MISFA: variants seen among roughly 807,000 people sequenced by gnomAD.
The protein encoded by MISFA is mitochondrial sheath formation associated, also known as mitochondrial sheath formation-associated protein.
the MISFA span, among the ~76,000 whole-genome samples, chr11:18,603,600 TG>T: frequency 6.6e-6 from 1 of 152,248 alleles, no homozygotes; most frequent in African/African-American, 2.4e-5. Context: ...CTCTGCCTCT[TG>T]TCAGCTCCCC....
At chr11:18,600,290 G>A in the MISFA span, among the ~76,000 whole-genome samples, 1 of 151,750 alleles carries the variant, frequency 6.6e-6, no homozygotes, top group Non-Finnish European at 1.5e-5. Flanking sequence ...TGCAACCTCC[G>A]CCTCTCAGGC....
the MISFA span, chr11:18,606,931 G>GCTGA: frequency 7.9e-5 from 24 of 303,032 alleles, no homozygotes; most frequent in African/African-American, 3.7e-4. Flanking sequence ...TGCTATCTTG[G>GCTGA]CTGACTGCAA....
the MISFA span, chr11:18,600,097 C>T: frequency 1.1e-4 from 42 of 398,344 alleles, no homozygotes; most frequent in African/African-American, 6.8e-4. Context: ...TAGTTGAGGT[C>T]TCACCACTAA....
At chr11:18,607,743 T>C in the MISFA span, 1 of 152,224 alleles carries the variant, frequency 6.6e-6, no homozygotes, top group African/African-American at 2.4e-5. Flanking sequence ...AGAAGTGCTC[T>C]TTTATAATGT....
At chr11:18,607,282 T>A in the MISFA span, 1 of 152,846 alleles carries the variant, frequency 6.5e-6, no homozygotes, top group African/African-American at 2.4e-5. Flanking sequence ...TTAGCGAAAA[T>A]ACAAAGTTCT....
At chr11:18,609,513 A>G in the MISFA span, 1 of 226,278 alleles carries the variant, frequency 4.4e-6, no homozygotes, top group African/African-American at 2.3e-5. Flanking sequence ...ATCAAGAGAC[A>G]ACCTTTTTTT....
At chr11:18,606,321 T>C in the MISFA span, 19 of 173,518 alleles carry the variant, frequency 1.1e-4, no homozygotes, top group Admixed American at 7.8e-4. Context: ...TATACCGAGG[T>C]TTCTAGCTGG....
chr11:18,601,344 G>C, the MISFA span: 1 of 397,568 alleles, frequency 2.5e-6, no homozygotes, highest in African/African-American at 2.1e-5. Context: ...GGCCAAAGTT[G>C]TCTATTAATA....
chr11:18,600,277 C>T, the MISFA span, among the ~76,000 whole-genome samples: 2 of 151,990 alleles, frequency 1.3e-5, no homozygotes, highest in Non-Finnish European at 2.9e-5. Flanking sequence ...GATCTCGGCT[C>T]ACTGCAACCT....
the MISFA span, among the ~76,000 whole-genome samples, chr11:18,600,512 C>CTTTTT: frequency 2.8e-4 from 15 of 54,040 alleles, no homozygotes; most frequent in East Asian, 7.1e-4. Flanking sequence ...TGGGGACATC[C>CTTTTT]TTTTTTTTTT....
At chr11:18,600,771 C>T in the MISFA span, among the ~76,000 whole-genome samples, 2 of 151,978 alleles carry the variant, frequency 1.3e-5, no homozygotes, top group African/African-American at 4.8e-5. Flanking sequence ...CCGCCTGCCT[C>T]GGCTCCCCAA....
the MISFA span, chr11:18,609,580 C>T: frequency 2.7e-6 from 1 of 369,614 alleles, no homozygotes. Flanking sequence ...AGTGGCCCCA[C>T]ATTAGAGTGC....
the MISFA span, among the ~76,000 whole-genome samples, chr11:18,600,360 C>A: frequency 6.7e-6 from 1 of 150,102 alleles, no homozygotes; most frequent in African/African-American, 2.5e-5. Context: ...TGCACCACCA[C>A]GCCTGGCGAA....
chr11:18,604,534 G>A, the MISFA span, among the ~76,000 whole-genome samples: 3 of 151,510 alleles, frequency 2.0e-5, no homozygotes, highest in South Asian at 2.1e-4. Flanking sequence ...GTGGTGGCAC[G>A]TCTGTAGTCC....
At chr11:18,604,619 C>T in the MISFA span, among the ~76,000 whole-genome samples, 18 of 150,834 alleles carry the variant, frequency 1.2e-4, no homozygotes, top group African/African-American at 3.9e-4. Context: ...CAGAGTGAGA[C>T]TCAGTCTCAA....
At chr11:18,601,432 C>T in the MISFA span, 2 of 396,162 alleles carry the variant, frequency 5.0e-6, no homozygotes, top group Non-Finnish European at 8.9e-6. Context: ...ATATATTATA[C>T]TATTAATAGC....
At chr11:18,603,247 G>A in the MISFA span, 21 of 398,646 alleles carry the variant, frequency 5.3e-5, no homozygotes, top group African/African-American at 1.9e-4. Flanking sequence ...ATGTATTCCC[G>A]CCCCCAAAAC....
At chr11:18,607,695 TAA>T in the MISFA span, 1 of 152,330 alleles carries the variant, frequency 6.6e-6, no homozygotes, top group African/African-American at 2.4e-5. Context: ...GGCCAAAATT[TAA>T]AAGACTTAAC....
At chr11:18,601,873 G>T in the MISFA span, 1 of 224,858 alleles carries the variant, frequency 4.4e-6, no homozygotes. Context: ...TACAACAGGA[G>T]ATATCACTAT....
Sources: gnomAD v4.1 joint callset for allele counts (sites outside exome capture counted in the v4.1 genomes callset) on GRCh38, gnomAD v4.1.1 for gene constraint, MANE v1.5 for transcripts, NCBI Gene and HGNC (gene_info 2026-07-23, HGNC 2026-07-21) for gene names.